Variants in RBMS3 observed in about 807,000 individuals in gnomAD.
RBMS3 encodes the protein RNA-binding motif, single-stranded-interacting protein 3.
Under a neutral mutation model 66.8 loss-of-function variants are expected in RBMS3, and 27 were observed. The observed-to-expected ratio is 0.40, with a 90% confidence interval of 0.30 to 0.56. RBMS3 has a LOEUF of 0.56. Ranked by LOEUF, RBMS3 falls within the 20% of genes least tolerant of loss-of-function variation. The pLI is 0.40. For missense variants in RBMS3, 513 were observed against 549.5 expected (o/e 0.93, Z 0.66); for synonymous variants, 188 against 183.0 (o/e 1.03, Z -0.22).
At chr3:29,391,041 G>T in intron 1 of RBMS3, 1 of 390,902 alleles carries the variant, frequency 2.6e-6, no homozygotes. Flanking sequence ...AGTTGGTGGA[G>T]GCCCTTTGTG....
Position 30,009,945 on chromosome 3 carries a change from T to C in RBMS3, c.*6083T>C, listed in dbSNP as rs1220808476. 1.3e-5 allele frequency: 2 copies of C among 149,986 alleles called. No homozygotes were observed. Among genetic ancestry groups the C allele is most frequent in the African/African-American group, 5.0e-5 (2 of 40,304 alleles). 9.3% of individuals were successfully genotyped at this position (149,986 alleles called of 1,614,324 possible). On this transcript the variant is annotated 3_prime_UTR_variant, in exon 15 of 15. Transcript: ENST00000383767. ...AACTGTAAAAATTATTTCAAAAAGATATTTGAAAAAGTTTTCTCTATTCTG... is the reference window on the plus strand; with the variant it reads ...AACTGTAAAAATTATTTCAAAAAGACATTTGAAAAAGTTTTCTCTATTCTG...
rs2048088753 is a variant in RBMS3 at position 29,599,961 on chromosome 3, T to A, written c.399+12756T>A. Reference sequence around the variant, plus strand: ...AAGATGTAAGCATACAAGTCACATATGAAAATCCACATTATAAATCATCAT... The same window carrying A: ...AAGATGTAAGCATACAAGTCACATAAGAAAATCCACATTATAAATCATCAT... On this transcript the variant is annotated intron_variant, in intron 4 of 14. Transcript: ENST00000383767. Among the ~76,000 whole-genome samples the A allele has an allele frequency of 2.0e-5, 3 of 152,138 alleles. No individual in the cohort carries two copies. In the South Asian group the frequency reaches 6.2e-4, roughly 31 times the overall value.
chr3:29,323,707 C>T (rs2035147479), intron 1 of RBMS3, among the ~76,000 whole-genome samples: 1 of 150,202 alleles, frequency 6.7e-6, no homozygotes, highest in African/African-American at 2.4e-5. Flanking sequence ...CACACACACA[C>T]ACACACACAC....
rs2039076275 is a variant in RBMS3 at position 29,387,768 on chromosome 3, T to A, written c.76-46975T>A. On this transcript the variant is annotated intron_variant, in intron 1 of 14. Transcript: ENST00000383767. Reference sequence around the variant, plus strand: ...AATACAAAATAAATAAATAAATAAATAAAATATATATAAATTCATGCCATG... The same window carrying A: ...AATACAAAATAAATAAATAAATAAAAAAAATATATATAAATTCATGCCATG... 2.0e-5 allele frequency among the ~76,000 whole-genome samples: 3 copies of A among 151,836 alleles called. No individual in the cohort carries two copies. The South Asian group carries it at 6.2e-4, about 32-fold the overall frequency.
intron 6 of RBMS3, among the ~76,000 whole-genome samples, chr3:29,811,778 T>C (rs4599260): frequency 0.46 from 69,621 of 151,986 alleles, 16,835 homozygotes; most frequent in African/African-American, 0.57. Flanking sequence ...AGGATAAAGA[T>C]GAGTGACCTC....
chr3:29,527,181 T>TAAAAAAAAAAAAAAAAAAAAAAA (rs538907247), intron 3 of RBMS3, among the ~76,000 whole-genome samples: 1 of 87,828 alleles, frequency 1.1e-5, no homozygotes, highest in African/African-American at 4.7e-5. Context: ...TTAGGTAGAG[T>TAAAAAAAAAAAAAAAAAAAAAAA]AAAAAAAAAA....
chr3:29,488,265 T>C (rs1221426808), intron 2 of RBMS3, among the ~76,000 whole-genome samples, 176 bp from the exon 3 acceptor site: 1 of 152,202 alleles, frequency 6.6e-6, no homozygotes, highest in African/African-American at 2.4e-5. Flanking sequence ...AGAACATTCC[T>C]AAGTTATAAA....
At chr3:29,920,939 G>T (rs1159905940) in intron 10 of RBMS3, among the ~76,000 whole-genome samples, 2 of 151,656 alleles carry the variant, frequency 1.3e-5, no homozygotes, top group Non-Finnish European at 2.9e-5. Context: ...GTGTACATTT[G>T]GGGGTGCCGT....
At chr3:29,894,159 C>T (rs898352124) in intron 8 of RBMS3, among the ~76,000 whole-genome samples, 3 of 151,442 alleles carry the variant, frequency 2.0e-5, no homozygotes, top group Non-Finnish European at 3.0e-5. Context: ...TCAATGTAGC[C>T]GATTCTGGTA....
intron 4 of RBMS3, among the ~76,000 whole-genome samples, chr3:29,711,715 C>T (rs1230111667): frequency 6.6e-6 from 1 of 152,160 alleles, no homozygotes; most frequent in African/African-American, 2.4e-5. Context: ...CATACACATG[C>T]TCTAATCTTT....
chr3:29,416,730 A>G (rs1295630760), intron 1 of RBMS3, among the ~76,000 whole-genome samples: 4 of 152,136 alleles, frequency 2.6e-5, no homozygotes, highest in Non-Finnish European at 5.9e-5. Context: ...TGTGGCAGGA[A>G]CGTGCTGGGC....
intron 2 of RBMS3, among the ~76,000 whole-genome samples, chr3:29,453,006 C>T (rs1388859857): frequency 1.3e-5 from 2 of 152,122 alleles, no homozygotes; most frequent in Non-Finnish European, 2.9e-5. Flanking sequence ...GAACCTAATA[C>T]TTGTAATCTT....
intron 6 of RBMS3, among the ~76,000 whole-genome samples, chr3:29,800,093 T>C (rs1329087272): frequency 6.6e-6 from 1 of 152,214 alleles, no homozygotes. Context: ...TAATCAGTTT[T>C]AACTTCTTGA....
At chr3:29,526,856 C>G (rs751886346) in intron 3 of RBMS3, among the ~76,000 whole-genome samples, 2 of 149,018 alleles carry the variant, frequency 1.3e-5, no homozygotes, top group Non-Finnish European at 3.0e-5. Context: ...ATGTCTCTTT[C>G]ATTGCCTGTT....
chr3:29,994,529 T>C (rs1699090303), intron 14 of RBMS3, among the ~76,000 whole-genome samples: 1 of 152,244 alleles, frequency 6.6e-6, no homozygotes, highest in South Asian at 2.1e-4. Context: ...TAAATGTCTC[T>C]GTCTGACAGC....
chr3:29,602,945 C>A (rs899928292), intron 4 of RBMS3, among the ~76,000 whole-genome samples: 4 of 151,876 alleles, frequency 2.6e-5, no homozygotes, highest in African/African-American at 7.3e-5. Context: ...TACTGACACC[C>A]AATTCTAGGT....
chr3:29,585,675 A>C (rs1017975031), intron 3 of RBMS3, among the ~76,000 whole-genome samples: 2 of 151,910 alleles, frequency 1.3e-5, no homozygotes, highest in Non-Finnish European at 2.9e-5. Flanking sequence ...CCTTGACCCT[A>C]TTTCTTGACT....
At chr3:29,656,256 G>A (rs886343488) in intron 4 of RBMS3, among the ~76,000 whole-genome samples, 2 of 152,164 alleles carry the variant, frequency 1.3e-5, no homozygotes, top group Non-Finnish European at 2.9e-5. Flanking sequence ...GGCTGACCCA[G>A]AGCAAGCTCC....
At chr3:29,887,067 C>T (rs888199469) in intron 8 of RBMS3, among the ~76,000 whole-genome samples, 1 of 151,784 alleles carries the variant, frequency 6.6e-6, no homozygotes, top group Non-Finnish European at 1.5e-5. Flanking sequence ...ATACCATAAG[C>T]ACCCATTGGT....
Sources: gnomAD v4.1 joint callset for allele counts (sites outside exome capture counted in the v4.1 genomes callset) on GRCh38, gnomAD v4.1.1 for gene constraint, MANE v1.5 for transcripts, NCBI Gene and HGNC (gene_info 2026-07-23, HGNC 2026-07-21) for gene names.